HMOX2: variants seen among roughly 807,000 people sequenced by gnomAD.
HMOX2 encodes heme oxygenase 2.
A neutral mutation model predicts 33.7 loss-of-function variants in HMOX2; 30 were observed. The observed-to-expected ratio is 0.89, with a 90% CI of 0.67 to 1.21. HMOX2 has a LOEUF of 1.21. HMOX2 is among the 50% of genes most tolerant of loss of function. The pLI is 0.00. For synonymous variants in HMOX2, 155 were observed against 155.0 expected (o/e 1.00, Z 0.00); for missense variants, 403 against 399.1 (o/e 1.01, Z -0.08).
intron 1 of HMOX2, among the ~76,000 whole-genome samples, chr16:4,491,150 C>G (rs566767973): frequency 6.6e-6 from 1 of 152,292 alleles, no homozygotes; most frequent in South Asian, 2.1e-4. Flanking sequence ...AAATGCAAAT[C>G]AGATTTGTCA....
chr16:4,478,277 C>T (rs1374813109), intron 1 of HMOX2, among the ~76,000 whole-genome samples: 2 of 152,142 alleles, frequency 1.3e-5, no homozygotes, highest in African/African-American at 2.4e-5. Context: ...AAGCATTGAC[C>T]GCCTTTAGCT....
chr16:4,486,916 G>A (rs1397362182), intron 1 of HMOX2, among the ~76,000 whole-genome samples: 1 of 152,208 alleles, frequency 6.6e-6, no homozygotes, highest in Non-Finnish European at 1.5e-5. Flanking sequence ...AAGTATGGAA[G>A]CTCACTTATT....
At position 4,480,534 on chromosome 16, in the gene HMOX2, G is replaced by A. The variant is rs144349457; in HGVS notation, c.-42+4047G>A. ...TAATTTTTGTATTTTTAGTAGAGAC[G>A]GGGTTTCACCATGCTGGCCAGGCTG... On this transcript the variant is annotated intron_variant, in intron 1 of 5. Coordinates refer to ENST00000570646, the MANE Select transcript of HMOX2 (RefSeq NM_002134.4). Among the ~76,000 whole-genome samples the A allele has an allele frequency of 6.4e-3, 966 of 151,860 alleles. 8 individuals are homozygous for A. Among genetic ancestry groups the A allele is most frequent in the Middle Eastern group, 0.031 (9 of 294 alleles).
chr16:4,482,266 T>C (rs998362862), intron 1 of HMOX2, among the ~76,000 whole-genome samples: 2 of 152,206 alleles, frequency 1.3e-5, no homozygotes, highest in Non-Finnish European at 2.9e-5. Context: ...GGGAAAAATA[T>C]GCTGTTCTGA....
intron 1 of HMOX2, among the ~76,000 whole-genome samples, chr16:4,485,336 AC>A (rs2058141121): frequency 6.6e-6 from 1 of 152,184 alleles, no homozygotes; most frequent in Non-Finnish European, 1.5e-5. Flanking sequence ...TGGAGGGCTG[AC>A]TGTACTGTAT....
At chr16:4,480,706 G>T (rs1276117980) in intron 1 of HMOX2, among the ~76,000 whole-genome samples, 3 of 148,498 alleles carry the variant, frequency 2.0e-5, no homozygotes, top group Admixed American at 6.7e-5. Context: ...AGGCTGGAGT[G>T]CAGTGGTGTG....
chr16:4,475,951 T>C (rs2057814321), upstream of HMOX2: 1 of 151,960 alleles, frequency 6.6e-6, no homozygotes, highest in Admixed American at 6.6e-5. Context: ...AAAAGAAAAA[T>C]CATTCTGTCA....
chr16:4,476,619 C>T (rs1030902194), intron 1 of HMOX2, 132 bp downstream of exon 1: 3 of 152,322 alleles, frequency 2.0e-5, no homozygotes, highest in Non-Finnish European at 2.9e-5. Flanking sequence ...TTTGGGTCCC[C>T]TGCGCCGGTC....
At chr16:4,497,703 T>TA (rs1036042393) in intron 1 of HMOX2, among the ~76,000 whole-genome samples, 4 of 152,166 alleles carry the variant, frequency 2.6e-5, no homozygotes, top group Non-Finnish European at 5.9e-5. Flanking sequence ...TCTTCTCCAG[T>TA]AAAAAAGCCT....
intron 1 of HMOX2, among the ~76,000 whole-genome samples, chr16:4,487,083 CCT>C (rs776934884): frequency 5.3e-5 from 8 of 151,940 alleles, no homozygotes; most frequent in Non-Finnish European, 1.2e-4. Flanking sequence ...ATAGTGAGAC[CCT>C]GTCTCTACAA....
Position 4,509,614 on chromosome 16 carries a change from G to C in HMOX2, c.824-15G>C, listed in dbSNP as rs1336125284. The C allele has an allele frequency of 6.2e-7, 1 of 1,613,514 alleles. No homozygotes were observed. Among genetic ancestry groups the C allele is most frequent in the African/African-American group, 1.3e-5 (1 of 75,036 alleles). Reference sequence around the variant, plus strand: ...CTCCACTGATGCCATGTCTCCTATTGGTGCTGCCACACAGGTGCCCTGGAG... The same window carrying C: ...CTCCACTGATGCCATGTCTCCTATTCGTGCTGCCACACAGGTGCCCTGGAG... On this transcript the variant is annotated splice_polypyrimidine_tract_variant and intron_variant, in intron 5 of 5. Transcript: ENST00000570646.
At chr16:4,489,628 T>G (rs1455315236) in intron 1 of HMOX2, among the ~76,000 whole-genome samples, 1 of 151,872 alleles carries the variant, frequency 6.6e-6, no homozygotes, top group Admixed American at 6.6e-5. Context: ...TTGGCTAAGT[T>G]TTGTATTTTT....
chr16:4,504,547 A>G (rs1261955666), intron 1 of HMOX2, among the ~76,000 whole-genome samples: 1 of 150,616 alleles, frequency 6.6e-6, no homozygotes, highest in Non-Finnish European at 1.5e-5. Flanking sequence ...TTTAGTAGAA[A>G]CAGGGTTTCT....
At chr16:4,503,119 A>G (rs1399411130) in intron 1 of HMOX2, among the ~76,000 whole-genome samples, 6 of 152,080 alleles carry the variant, frequency 3.9e-5, no homozygotes, top group African/African-American at 1.4e-4. Flanking sequence ...CCGGCTAGCA[A>G]AGCTGTACTT....
intron 1 of HMOX2, among the ~76,000 whole-genome samples, chr16:4,481,543 C>T (rs907989877): frequency 6.6e-6 from 1 of 152,044 alleles, no homozygotes; most frequent in African/African-American, 2.4e-5. Context: ...CAGAATTGTT[C>T]TGGAAAGTCG....
At chr16:4,508,973 C>T (rs574084599) in intron 4 of HMOX2, among the ~76,000 whole-genome samples, 20 of 152,288 alleles carry the variant, frequency 1.3e-4, no homozygotes, top group Admixed American at 1.2e-3. Flanking sequence ...GTGCAGCTGC[C>T]GCCCACCAGT....
chr16:4,478,487 A>G (rs879435142), intron 1 of HMOX2, among the ~76,000 whole-genome samples: 34 of 152,302 alleles, frequency 2.2e-4, no homozygotes, highest in African/African-American at 8.2e-4. Flanking sequence ...GCAGTGGCTC[A>G]TGCTTGTGAT....
Position 4,505,611 on chromosome 16 carries a change from G to C in HMOX2, c.86+1G>C. The C allele has an allele frequency of 6.3e-7, 1 of 1,584,226 alleles. No individual in the cohort carries two copies. The highest frequency in any genetic ancestry group is 8.6e-7 in the Non-Finnish European group (1 of 1,161,984). ...CCCTAGAAAAGGAGAACCAAATGAG[G>C]TGAGCGATGGGGGCTGGCTGCACTG... On this transcript the variant is annotated splice_donor_variant, in intron 2 of 5. Coordinates refer to ENST00000570646, the MANE Select transcript of HMOX2 (RefSeq NM_002134.4). LOFTEE classifies it high-confidence loss of function.
chr16:4,480,733 A>C (rs1254914528), intron 1 of HMOX2, among the ~76,000 whole-genome samples: 2 of 150,110 alleles, frequency 1.3e-5, no homozygotes, highest in Non-Finnish European at 3.0e-5. Flanking sequence ...GTTCACTGCA[A>C]CTTCCACCTC....
Sources: allele counts gnomAD v4.1 joint callset (sites outside exome capture counted in the v4.1 genomes callset), GRCh38; gene constraint gnomAD v4.1.1; transcripts MANE v1.5; gene names NCBI Gene and HGNC (gene_info 2026-07-23, HGNC 2026-07-21).